Variants in SERPINI1 observed in about 807,000 individuals in gnomAD.
SERPINI1 encodes the protein neuroserpin.
SERPINI1 carries 19 observed loss-of-function variants against 41.1 expected under a neutral mutation model. That is an observed-to-expected ratio of 0.46 (90% confidence interval 0.32 to 0.68). SERPINI1 has a LOEUF of 0.68. Ranked by LOEUF, SERPINI1 falls within the 30% of genes least tolerant of loss-of-function variation. SERPINI1 has a pLI of 0.03. For synonymous variants in SERPINI1, 138 were observed against 156.6 expected (o/e 0.88, Z 0.89); for missense variants, 460 against 479.2 (o/e 0.96, Z 0.37).
At chr3:167,738,576 A>C (rs1725563056) in intron 1 of SERPINI1, among the ~76,000 whole-genome samples, 1 of 151,946 alleles carries the variant, frequency 6.6e-6, no homozygotes, top group Non-Finnish European at 1.5e-5. Context: ...CCTATAATCC[A>C]TGATTCCATG....
chr3:167,786,048 G>GTAGC (rs1433926733), intron 1 of SERPINI1, among the ~76,000 whole-genome samples: 1 of 152,176 alleles, frequency 6.6e-6, no homozygotes, highest in Non-Finnish European at 1.5e-5. Flanking sequence ...ATGGTATTAC[G>GTAGC]TAGCTCCTCG....
In SERPINI1 at chr3:167,789,234, C is replaced by G; in HGVS notation, c.106C>G (p.Arg36Gly). 1.2e-6 allele frequency: 2 copies of G among 1,614,124 alleles called. No individual in the cohort carries two copies. Among genetic ancestry groups the G allele is most frequent in the Non-Finnish European group, 1.7e-6 (2 of 1,180,004 alleles). ...TGACTTGTCAGTGAATATGTATAAT[C>G]GTCTTAGAGCCACTGGTGAAGATGA... ...IADLSVNMYN[R>G]LRATGEDENI... The change falls in exon 2 of 9, where the codon CGT becomes GGT. Residue 36 changes from arginine (R) to glycine (G), a missense_variant. Arg to Gly is a moderately radical substitution (Grantham distance 125). Transcript: ENST00000446050.
chr3:167,756,942 ACT>A (rs889995481), intron 1 of SERPINI1, among the ~76,000 whole-genome samples: 6 of 152,144 alleles, frequency 3.9e-5, no homozygotes, highest in East Asian at 1.9e-4. Context: ...AGACTTAGTG[ACT>A]CTATGTAAAT....
intron 1 of SERPINI1, among the ~76,000 whole-genome samples, chr3:167,758,611 G>A (rs1482781325): frequency 6.6e-6 from 1 of 152,126 alleles, no homozygotes; most frequent in Non-Finnish European, 1.5e-5. Flanking sequence ...TAACCTTAAA[G>A]TATCCAACCA....
At chr3:167,764,018 T>TTAACA (rs112723929) in intron 1 of SERPINI1, among the ~76,000 whole-genome samples, 53,887 of 151,658 alleles carry the variant, frequency 0.36, 11,057 homozygotes, top group African/African-American at 0.58. Context: ...GATCTAAATC[T>TTAACA]TAACTCACTC....
intron 1 of SERPINI1, among the ~76,000 whole-genome samples, chr3:167,766,575 G>A (rs1186857285): frequency 6.6e-6 from 1 of 152,204 alleles, no homozygotes; most frequent in Admixed American, 6.5e-5. Flanking sequence ...GCTGAGATAG[G>A]CCAAAAGCTC....
intron 1 of SERPINI1, among the ~76,000 whole-genome samples, chr3:167,769,021 G>C (rs946910061): frequency 6.6e-6 from 1 of 151,354 alleles, no homozygotes; most frequent in African/African-American, 2.4e-5. Flanking sequence ...TTGAGATGGA[G>C]TGTGGCTCTG....
At chr3:167,775,694 A>G (rs1191336950) in intron 1 of SERPINI1, among the ~76,000 whole-genome samples, 2 of 118,220 alleles carry the variant, frequency 1.7e-5, no homozygotes, top group Non-Finnish European at 3.5e-5. Flanking sequence ...ATGTAGACCT[A>G]GTAGATGAAA....
At chr3:167,749,123 C>CT (rs976775989) in intron 1 of SERPINI1, among the ~76,000 whole-genome samples, 1 of 152,124 alleles carries the variant, frequency 6.6e-6, no homozygotes, top group African/African-American at 2.4e-5. Context: ...TGATATATCA[C>CT]TATTTTGAAA....
intron 5 of SERPINI1, among the ~76,000 whole-genome samples, chr3:167,801,793 A>G (rs1007116167): frequency 6.6e-5 from 10 of 152,282 alleles, no homozygotes; most frequent in African/African-American, 2.4e-4. Flanking sequence ...GTATTTTTCA[A>G]TAGTTTGCTT....
At chr3:167,798,677 G>A (rs897075973) in intron 5 of SERPINI1, among the ~76,000 whole-genome samples, 5 of 152,080 alleles carry the variant, frequency 3.3e-5, no homozygotes, top group African/African-American at 9.7e-5. Flanking sequence ...TGTCCTGCTT[G>A]ACAGGTACTT....
At chr3:167,737,141 A>G (rs1055148216) in intron 1 of SERPINI1, among the ~76,000 whole-genome samples, 1 of 152,136 alleles carries the variant, frequency 6.6e-6, no homozygotes, top group African/African-American at 2.4e-5. Context: ...TTGAAAAGAA[A>G]TGGCTCAAAT....
chr3:167,739,629 ACC>A (rs1318675056), intron 1 of SERPINI1, among the ~76,000 whole-genome samples: 3 of 152,124 alleles, frequency 2.0e-5, no homozygotes, highest in Non-Finnish European at 4.4e-5. Context: ...CCACCATTTA[ACC>A]TCAAGGCCCT....
At chr3:167,739,362 CAG>C (rs1725593086) in intron 1 of SERPINI1, among the ~76,000 whole-genome samples, 2 of 152,174 alleles carry the variant, frequency 1.3e-5, no homozygotes. Context: ...CTTTGATAGA[CAG>C]AGTCAGCTGA....
intron 1 of SERPINI1, among the ~76,000 whole-genome samples, chr3:167,763,202 C>A (rs1435412155): frequency 6.6e-6 from 1 of 151,760 alleles, no homozygotes; most frequent in East Asian, 1.9e-4. Flanking sequence ...GTCTAGGGAG[C>A]AAATTGATGT....
intron 1 of SERPINI1, among the ~76,000 whole-genome samples, chr3:167,770,611 TATA>T (rs1726717574): frequency 6.6e-6 from 1 of 152,164 alleles, no homozygotes; most frequent in Admixed American, 6.5e-5. Context: ...AAATGTTTAG[TATA>T]ATATAGGGAG....
intron 5 of SERPINI1, among the ~76,000 whole-genome samples, chr3:167,806,578 A>G (rs1711652500): frequency 6.6e-6 from 1 of 152,174 alleles, no homozygotes; most frequent in South Asian, 2.1e-4. Flanking sequence ...TTTTGTGATG[A>G]TATCATGAGA....
intron 5 of SERPINI1, chr3:167,799,998 C>G (rs576157675): frequency 4.6e-5 from 7 of 151,954 alleles, no homozygotes. Context: ...AGGGGAGGGT[C>G]GTGTAGAAGA....
intron 1 of SERPINI1, among the ~76,000 whole-genome samples, chr3:167,755,794 A>ATTTTTTTTT (rs34182780): frequency 8.4e-6 from 1 of 119,222 alleles, no homozygotes. Context: ...GGTGTTGCTG[A>ATTTTTTTTT]TTTTTTTTTT....
Sources: gnomAD v4.1 joint callset for allele counts (sites outside exome capture counted in the v4.1 genomes callset) on GRCh38, gnomAD v4.1.1 for gene constraint, MANE v1.5 for transcripts, NCBI Gene and HGNC (gene_info 2026-07-23, HGNC 2026-07-21) for gene names.